BFSP1: variants seen among roughly 807,000 people sequenced by gnomAD.
The protein encoded by BFSP1 is beaded filament structural protein 1.
In BFSP1, 38 loss-of-function variants were observed where a neutral mutation model predicts 43.9. The observed-to-expected ratio is 0.87, with a 90% CI of 0.67 to 1.14. The LOEUF is 1.14. BFSP1 is among the 50% of genes most tolerant of loss of function. BFSP1 has a pLI of 0.00. For synonymous variants in BFSP1, 352 were observed against 354.8 expected, an observed-to-expected ratio of 0.99 and a Z score of 0.09; for missense variants, 850 against 875.1, an observed-to-expected ratio of 0.97 and a Z score of 0.36.
intron 1 of BFSP1, among the ~76,000 whole-genome samples, chr20:17,564,006 T>C (rs925894879): frequency 3.3e-5 from 5 of 152,016 alleles, no homozygotes; most frequent in Non-Finnish European, 7.4e-5. Flanking sequence ...GAGGTAACCT[T>C]AGAAAGACAA....
exon 1 of BFSP1, chr20:17,558,707 G>A: frequency 6.4e-7 from 1 of 1,551,918 alleles, no homozygotes; most frequent in Non-Finnish European, 8.7e-7. Flanking sequence ...CCAGCATGGA[G>A]GCTCCTTCTG....
chr20:17,527,494 G>A (rs2034446046), intron 1 of BFSP1, among the ~76,000 whole-genome samples: 3 of 152,178 alleles, frequency 2.0e-5, no homozygotes, highest in Admixed American at 1.3e-4. Context: ...TTAGGAGGCC[G>A]AGGCGGGCAG....
chr20:17,550,412 A>T (rs2034876458), intron 1 of BFSP1, among the ~76,000 whole-genome samples: 1 of 151,618 alleles, frequency 6.6e-6, no homozygotes, highest in Admixed American at 6.6e-5. Flanking sequence ...TTTAAAGAAA[A>T]CTGTTCTTGG....
At chr20:17,562,211 C>T (rs1249697474), upstream of BFSP1, among the ~76,000 whole-genome samples, 1 of 151,624 alleles carries the variant, frequency 6.6e-6, no homozygotes, top group Non-Finnish European at 1.5e-5. Flanking sequence ...TGAGCCACCG[C>T]GCCCGGAGGA....
intron 2 of BFSP1, chr20:17,517,228 T>C: frequency 1.0e-6 from 1 of 978,126 alleles, no homozygotes; most frequent in East Asian, 2.4e-5. Context: ...GGTGCTGGAG[T>C]GTTTATGGCA....
intron 1 of BFSP1, among the ~76,000 whole-genome samples, chr20:17,568,995 C>T (rs150158953): frequency 6.6e-6 from 1 of 152,306 alleles, no homozygotes; most frequent in Non-Finnish European, 1.5e-5. Context: ...GTGTTTCCGA[C>T]GCAACCGCCC....
chr20:17,558,985 A>T (rs73092227), upstream of BFSP1: 1,770 of 338,590 alleles, frequency 5.2e-3, 13 homozygotes, highest in Non-Finnish European at 6.4e-3. Flanking sequence ...CCTCTTAATG[A>T]CTGGGCCTGA....
intron 5 of BFSP1, among the ~76,000 whole-genome samples, chr20:17,505,821 C>A (rs2033922913): frequency 6.6e-6 from 1 of 152,190 alleles, no homozygotes; most frequent in Admixed American, 6.5e-5. Context: ...ACACCCCAGA[C>A]CCACTGAGTC....
intron 1 of BFSP1, among the ~76,000 whole-genome samples, chr20:17,554,382 T>C (rs948625402): frequency 3.3e-5 from 5 of 152,140 alleles, no homozygotes; most frequent in African/African-American, 9.7e-5. Context: ...GTAAAGATCC[T>C]AAGTAAATGA....
chr20:17,508,251 A>AG (rs3842529), intron 5 of BFSP1, among the ~76,000 whole-genome samples: 92,735 of 152,010 alleles, frequency 0.61, 28,610 homozygotes, highest in Middle Eastern at 0.73. Context: ...GAAGGAACAA[A>AG]GAAGATGAGC....
At chr20:17,529,088 T>TGA (rs2034479830) in intron 1 of BFSP1, among the ~76,000 whole-genome samples, 2 of 150,434 alleles carry the variant, frequency 1.3e-5, no homozygotes, top group Admixed American at 6.6e-5. Flanking sequence ...TGTGTGTGTG[T>TGA]GTGAGACAGA....
At chr20:17,528,658 C>A (rs1035714942) in intron 1 of BFSP1, among the ~76,000 whole-genome samples, 1 of 152,222 alleles carries the variant, frequency 6.6e-6, no homozygotes, top group Non-Finnish European at 1.5e-5. Context: ...CACCCACAGG[C>A]CCTCTCCCAG....
In BFSP1 at chr20:17,494,589, C is replaced by A. The variant is rs745991848; in HGVS notation, c.1483G>T (p.Val495Leu). The change falls in exon 8 of 8, where the codon GTG becomes TTG. Residue 495 changes from valine (V) to leucine (L), a missense_variant. Physicochemically the swap from Val to Leu is conservative, Grantham distance 32. Coordinates refer to ENST00000377873, the MANE Select transcript of BFSP1 (RefSeq NM_001195.5). Reference sequence around the variant, plus strand: ...GAGTCTTCCGCAACAGAAACAGCCACCCCACCTTTAGCTGTGATGGAGGAG... The same window carrying A: ...GAGTCTTCCGCAACAGAAACAGCCAACCCACCTTTAGCTGTGATGGAGGAG... ...YVSSITAKGG[V>L]AVSVAEDSVL... The A allele has an allele frequency of 6.2e-7, 1 of 1,614,206 alleles. No homozygotes were observed. Among genetic ancestry groups the A allele is most frequent in the Admixed American group, 1.7e-5 (1 of 60,004 alleles).
chr20:17,494,383 C>T lies in BFSP1; in HGVS notation c.1689G>A (p.Glu563=). The change falls in exon 8 of 8, where the codon GAG becomes GAA. Residue 563 remains glutamate, a synonymous_variant. Coordinates refer to ENST00000377873, the MANE Select transcript of BFSP1 (RefSeq NM_001195.5). ...LEGPEEKREG[E]ERDEESRRPC... ...GTCTCCTGGACTCTTCGTCCCGCTC[C>T]TCACCCTCACGTTTCTCTTCAGGGC... 1.2e-6 allele frequency: 2 copies of T among 1,614,242 alleles called. No homozygotes were observed. The highest frequency in any genetic ancestry group is 1.7e-6 in the Non-Finnish European group (2 of 1,180,048).
rs775543913 is a variant in BFSP1 at position 17,514,762 on chromosome 20, G to C, written c.493C>G (p.Leu165Val). Residue 165 changes from leucine (L) to valine (V), a missense_variant, in exon 3 of 8, where the codon CTG becomes GTG. By Grantham distance (32) the Leu-to-Val change is conservative. Coordinates refer to ENST00000377873, the MANE Select transcript of BFSP1 (RefSeq NM_001195.5). ...NLRLQLEAQF[L>V]QDDISAAKDR... is the part of the protein sequence containing the mutation. ...TTTGCCGCACTGATATCATCTTGCA[G>C]AAATTGGGCTTCCAGCTGAAGGCGT... 1 of 1,614,114 alleles carries C rather than the reference G, an allele frequency of 6.2e-7. No homozygotes were observed. The highest frequency in any genetic ancestry group is 8.5e-7 in the Non-Finnish European group (1 of 1,179,972).
At position 17,511,931 on chromosome 20, in the gene BFSP1, G is replaced by A. The variant is rs544914005; in HGVS notation, c.627+45C>T. ...CCTTCCCTGGGAGTCTCCAGGTACA[G>A]CTTCCCTCCAGGGCTGGTTTGCCTT... is the stretch of plus-strand genomic sequence containing the variant. On this transcript the variant is annotated intron_variant, in intron 4 of 7. Transcript: ENST00000377873. 1.1e-5 allele frequency: 16 copies of A among 1,523,778 alleles called. No individual in the cohort carries two copies. In the African/African-American group the frequency reaches 2.1e-4, roughly 20 times the overall value. 94.4% of individuals were successfully genotyped at this position (1,523,778 alleles called of 1,614,324 possible). A position where few individuals can be genotyped will look rare whatever the true frequency, so the allele number is the denominator to read the frequency against.
At chr20:17,504,910 TTTTTTGTTTTTG>T (rs11473744) in intron 5 of BFSP1, among the ~76,000 whole-genome samples, 35,408 of 138,992 alleles carry the variant, frequency 0.25, 4,341 homozygotes, top group Middle Eastern at 0.32. Flanking sequence ...GTAAGGTTTT[TTTTTTGTTTTTG>T]TTTTTGTTTT....
rs766974510 is a variant in BFSP1 at position 17,494,318 on chromosome 20, A to G, written c.1754T>C (p.Ile585Thr). Residue 585 changes from isoleucine (I) to threonine (T), a missense_variant, in exon 8 of 8, where the codon ATA becomes ACA. By Grantham distance (89) the Ile-to-Thr change is moderately conservative. Coordinates refer to ENST00000377873, the MANE Select transcript of BFSP1 (RefSeq NM_001195.5). ...MVTPGAEEPSIPEPPKPAADQ... is the reference protein window; with the variant it reads ...MVTPGAEEPSTPEPPKPAADQ... ...AGCCGCAGGCTTTGGAGGCTCAGGTATAGATGGTTCCTCTGCACCGGGTGT... is the reference window on the plus strand; with the variant it reads ...AGCCGCAGGCTTTGGAGGCTCAGGTGTAGATGGTTCCTCTGCACCGGGTGT... 13 of 1,614,096 alleles carry G rather than the reference A, an allele frequency of 8.1e-6. No homozygotes were observed. The highest frequency in any genetic ancestry group is 1.6e-4 in the Middle Eastern group (1 of 6,084).
Position 17,507,578 on chromosome 20 carries a change from GAC to G in BFSP1, c.735+1309_735+1310del, listed in dbSNP as rs1296540664. Among the ~76,000 whole-genome samples the G allele has an allele frequency of 2.6e-5, 4 of 151,244 alleles. No homozygotes were observed. Among genetic ancestry groups the G allele is most frequent in the Non-Finnish European group, 4.4e-5 (3 of 67,764 alleles). On this transcript the variant is annotated intron_variant, in intron 5 of 7. Transcript: ENST00000377873. This position sits in a 1 kb window ranked among gnomAD's most constrained non-coding sequence, Gnocchi z 4.4. ...ATACACAGCACACACACATACACAT[GAC>G]ACACACACACCACACACACTTCACA...
Sources: gnomAD v4.1 joint callset for allele counts (sites outside exome capture counted in the v4.1 genomes callset) on GRCh38, gnomAD v4.1.1 for gene constraint, Gnocchi (gnomAD v3.1) non-coding constraint, MANE v1.5 for transcripts, NCBI Gene and HGNC (gene_info 2026-07-23, HGNC 2026-07-21) for gene names.